Variants in EIF2S3 observed in about 807,000 individuals in gnomAD.
EIF2S3 encodes the protein eukaryotic translation initiation factor 2 subunit 3.
In EIF2S3, 2 loss-of-function variants were observed where a neutral mutation model predicts 31.7. The observed-to-expected ratio is 0.06, with a 90% CI of 0.03 to 0.20. The LOEUF (loss-of-function observed/expected upper bound fraction) is 0.20, where lower values mean the gene tolerates loss of function less well. Ranked by LOEUF, EIF2S3 falls within the 10% of genes least tolerant of loss-of-function variation. The probability of loss-of-function intolerance (pLI) is 1.00; values close to 1 mark genes in which losing one functional copy is unlikely to be tolerated. For missense variants in EIF2S3, 96 were observed against 359.3 expected, an observed-to-expected ratio of 0.27 and a Z score of 5.92; for synonymous variants, 120 against 126.7, an observed-to-expected ratio of 0.95 and a Z score of 0.36.
intron 9 of EIF2S3, among the ~76,000 whole-genome samples, chrX:24,069,399 G>T (rs1301133526): frequency 9.5e-6 from 1 of 104,898 alleles, no homozygotes; most frequent in African/African-American, 3.5e-5. Context: ...AAAACAAGAA[G>T]AAAAGAAAAG....
chrX:24,056,121 C>T (rs1300275738), intron 2 of EIF2S3, among the ~76,000 whole-genome samples: 6 of 111,622 alleles, frequency 5.4e-5, no homozygotes, highest in Non-Finnish European at 1.1e-4. Context: ...AAATTTTGGA[C>T]ATTTTGAGTT....
chrX:24,073,734 C>T (rs1355608569), intron 11 of EIF2S3, among the ~76,000 whole-genome samples: 1 of 111,921 alleles, frequency 8.9e-6, no homozygotes, highest in African/African-American at 3.2e-5. Flanking sequence ...TATTTTAGTC[C>T]AAATACTGTG....
At chrX:24,074,862 C>CCTTTTTTT (rs1930727533) in intron 11 of EIF2S3, among the ~76,000 whole-genome samples, 8 of 47,474 alleles carry the variant, frequency 1.7e-4, no homozygotes, top group Non-Finnish European at 2.8e-4. Context: ...TTTTCTTCTT[C>CCTTTTTTT]TTTTTTTTTT....
intron 9 of EIF2S3, 121 bp downstream of exon 9, chrX:24,068,229 G>T (rs1930607839): frequency 2.9e-6 from 2 of 679,207 alleles, no homozygotes; most frequent in Admixed American, 8.6e-5. Flanking sequence ...AATAGAGTAG[G>T]GTGGGGAACA....
At chrX:24,062,344 A>T (rs997206644) in intron 5 of EIF2S3, 72 bp from the exon 6 acceptor site, 56 of 1,103,201 alleles carry the variant, frequency 5.1e-5, no homozygotes, top group Non-Finnish European at 6.0e-5. Context: ...TTGTCTCTTT[A>T]TGGATTTGCC....
At chrX:24,062,354 C>G in intron 5 of EIF2S3, 62 bp from the exon 6 acceptor site, 1 of 1,125,366 alleles carries the variant, frequency 8.9e-7, no homozygotes, top group Non-Finnish European at 1.2e-6. Flanking sequence ...ATGGATTTGC[C>G]CGCCTATTCT....
rs190896793 is a variant in EIF2S3, at chrX:24,067,570, G to A, written c.868-394G>A. 5.6e-3 allele frequency among the ~76,000 whole-genome samples: 573 copies of A among 103,160 alleles called. 3 individuals carry two copies. Among genetic ancestry groups the A allele is most frequent in the African/African-American group, 0.019 (537 of 28,154 alleles). The allele number at this position is 103,160 out of a possible 115,157, so 89.6% of individuals were successfully genotyped here. A position where few individuals can be genotyped will look rare whatever the true frequency, so the allele number is the denominator to read the frequency against. On this transcript the variant is annotated intron_variant, in intron 8 of 11. Transcript: ENST00000253039. ...TGCCTTTTCAGTTTTATGGTCTTCC[G>A]GTTGGACCTTTATTATTATTTTATT...
chrX:24,065,403 T>C (rs888084963), intron 7 of EIF2S3, among the ~76,000 whole-genome samples: 20 of 110,860 alleles, frequency 1.8e-4, no homozygotes, highest in African/African-American at 6.3e-4. Flanking sequence ...AGAGGATTGC[T>C]TGAGGCTAGG....
chrX:24,061,909 C>CT (rs1413888229), intron 5 of EIF2S3, among the ~76,000 whole-genome samples: 3 of 111,410 alleles, frequency 2.7e-5, no homozygotes, highest in African/African-American at 6.5e-5. Context: ...AAAAGCCAAA[C>CT]TTGCTGATTT....
chrX:24,067,754 A>T (rs1930600627), intron 8 of EIF2S3, among the ~76,000 whole-genome samples: 1 of 108,064 alleles, frequency 9.3e-6, no homozygotes, highest in Non-Finnish European at 1.9e-5. Context: ...CACCTGGCTA[A>T]TTTTTGTGTT....
At chrX:24,058,542 T>TC (rs1349713383) in intron 4 of EIF2S3, among the ~76,000 whole-genome samples, 2 of 79,196 alleles carry the variant, frequency 2.5e-5, no homozygotes, top group African/African-American at 9.7e-5. Flanking sequence ...CTTTCTTTTT[T>TC]TTTTTTTTTT....
chrX:24,070,378 C>T (rs1304731666), intron 9 of EIF2S3, among the ~76,000 whole-genome samples: 1 of 107,564 alleles, frequency 9.3e-6, no homozygotes, highest in Non-Finnish European at 1.9e-5. Flanking sequence ...TATCTTCTTT[C>T]CCCTACTCCC....
chrX:24,070,735 C>A lies in EIF2S3; in HGVS notation c.1013-823C>A, dbSNP rs189253565. Among the ~76,000 whole-genome samples, 83 of 111,442 alleles carry A rather than the reference C, an allele frequency of 7.4e-4. 1 individual carries two copies. Among genetic ancestry groups the A allele is most frequent in the African/African-American group, 2.6e-3 (79 of 30,707 alleles). ...TATAAGTGTGAGCCACTGCGCCTGGCCCATATGTAGTCTTTAACTATCTTT... is the reference window on the plus strand; with the variant it reads ...TATAAGTGTGAGCCACTGCGCCTGGACCATATGTAGTCTTTAACTATCTTT... On this transcript the variant is annotated intron_variant, in intron 9 of 11. Coordinates refer to ENST00000253039, the MANE Select transcript of EIF2S3 (RefSeq NM_001415.4).
chrX:24,054,985 C>T lies in EIF2S3; in HGVS notation c.17C>T (p.Ala6Val), dbSNP rs144643953. ...TTTGGCAACATGGCGGGCGGAGAAG[C>T]TGGAGTGACTCTAGGGCAGCCGCAT... MAGGEAGVTLGQPHLS... is the reference protein window; with the variant it reads MAGGEVGVTLGQPHLS... The change falls in exon 1 of 12, where the codon GCT becomes GTT. Residue 6 changes from alanine to valine, a missense_variant. By Grantham distance (64) the Ala-to-Val change is moderately conservative (BLOSUM62 0). This residue lies in a region of EIF2S3 where 27 missense variants were observed against 21.3 expected (regional missense o/e 1.27). Coordinates refer to ENST00000253039, the MANE Select transcript of EIF2S3 (RefSeq NM_001415.4). 12 of 1,208,535 alleles carry T rather than the reference C, an allele frequency of 9.9e-6. No homozygotes were observed. Among genetic ancestry groups the T allele is most frequent in the African/African-American group, 1.8e-5 (1 of 57,099 alleles).
Position 24,066,102 on chromosome X carries a change from GT to G in EIF2S3, c.867+14del. On this transcript the variant is annotated intron_variant, in intron 8 of 11. Transcript: ENST00000253039. The stretch of plus-strand genomic sequence containing the variant: ...AAAAGGAGTATTAAAGGTAAAATGG[GT>G]TTTGGTTGTTGTGATTTTGGGTTTT... 1 of 1,080,616 alleles carries G rather than the reference GT, an allele frequency of 9.3e-7. No individual in the cohort carries two copies. The highest frequency in any genetic ancestry group is 1.2e-6 in the Non-Finnish European group (1 of 817,518). The allele number at this position is 1,080,616 out of a possible 1,213,427, so 89.1% of individuals were successfully genotyped here. A position where few individuals can be genotyped will look rare whatever the true frequency, so the allele number is the denominator to read the frequency against.
At position 24,062,629 on chromosome X, in the gene EIF2S3, C is replaced by G. The variant is rs766236855; in HGVS notation, c.637+55C>G. 4.6e-5 allele frequency: 52 copies of G among 1,120,710 alleles called. No individual in the cohort carries two copies. In the South Asian group the frequency reaches 8.7e-4, roughly 19 times the overall value. 92.4% of individuals were successfully genotyped at this position (1,120,710 alleles called of 1,213,427 possible). ...TGAATCACTTTGAGAGGCATTTACT[C>G]TGGATACCAGATGTTAAATTAACTT... On this transcript the variant is annotated intron_variant, in intron 6 of 11. Transcript: ENST00000253039.
intron 10 of EIF2S3, among the ~76,000 whole-genome samples, 158 bp downstream of exon 10, chrX:24,071,885 T>TTA (rs1555984658): frequency 1.8e-5 from 2 of 109,230 alleles, no homozygotes; most frequent in African/African-American, 6.7e-5. Context: ...TTTTTTTTTT[T>TTA]AATTTAGAGA....
At chrX:24,055,829 C>T in intron 2 of EIF2S3, 151 bp downstream of exon 2, 1 of 551,868 alleles carries the variant, frequency 1.8e-6, no homozygotes, top group East Asian at 3.6e-5. Flanking sequence ...ATTTGCGGTG[C>T]AGGGGGAGCA....
chrX:24,061,256 T>TAA (rs745398921), intron 5 of EIF2S3, among the ~76,000 whole-genome samples: 4 of 41,729 alleles, frequency 9.6e-5, no homozygotes, highest in African/African-American at 2.6e-4. Context: ...GACTCAGTCT[T>TAA]AAAAAAAAAA....
Sources: gnomAD v4.1 joint callset for allele counts (sites outside exome capture counted in the v4.1 genomes callset) on GRCh38, gnomAD v4.1.1 for gene constraint, gnomAD v4.1.1 regional missense constraint, MANE v1.5 for transcripts, NCBI Gene and HGNC (gene_info 2026-07-23, HGNC 2026-07-21) for gene names.